Variants in STATH observed in about 807,000 individuals in gnomAD.
STATH encodes statherin.
A neutral mutation model predicts 13.3 loss-of-function variants in STATH; 11 were observed. The ratio of observed to expected loss-of-function variants is 0.83; its 90% CI spans 0.52 to 1.37. The LOEUF is 1.37. Ranked by LOEUF, STATH falls within the 40% of genes most tolerant of loss-of-function variation. The probability of loss-of-function intolerance (pLI) is 0.00; values close to 1 mark genes in which losing one functional copy is unlikely to be tolerated. For missense variants in STATH, 78 were observed against 73.3 expected (o/e 1.06, Z -0.24); for synonymous variants, 25 against 23.6 (o/e 1.06, Z -0.17).
At chr4:70,001,706 G>T (rs981633628) in intron 5 of STATH, among the ~76,000 whole-genome samples, 1 of 151,634 alleles carries the variant, frequency 6.6e-6, no homozygotes. Flanking sequence ...TGGAGATAAG[G>T]GAGGATTGTT....
chr4:69,998,321 G>T, intron 1 of STATH, 102 bp from the exon 2 acceptor site: 1 of 771,928 alleles, frequency 1.3e-6, no homozygotes, highest in Non-Finnish European at 2.1e-6. Flanking sequence ...CTTTCTATCT[G>T]GAGTGTGTCT....
At chr4:69,998,366 T>G (rs1724563726) in intron 1 of STATH, 57 bp from the exon 2 acceptor site, 1 of 1,387,640 alleles carries the variant, frequency 7.2e-7, no homozygotes, top group African/African-American at 1.4e-5. Context: ...ATCAATAAAC[T>G]TTTGATGGGC....
chr4:69,999,575 C>T (rs1724595011), intron 2 of STATH, 92 bp from the exon 3 acceptor site: 1 of 1,290,922 alleles, frequency 7.7e-7, no homozygotes, highest in African/African-American at 1.5e-5. Flanking sequence ...ATCCTGTTTA[C>T]TCACAACTGT....
At chr4:70,000,168 G>T (rs1724616541) in intron 4 of STATH, 3 of 205,832 alleles carry the variant, frequency 1.5e-5, no homozygotes, top group South Asian at 2.3e-4. Flanking sequence ...TGGTAAGTTT[G>T]CACCTTCTGA....
At chr4:69,997,061 C>A (rs1172843588) in intron 1 of STATH, among the ~76,000 whole-genome samples, 3 of 151,512 alleles carry the variant, frequency 2.0e-5, no homozygotes, top group Non-Finnish European at 4.4e-5. Flanking sequence ...CCTCAGCTTC[C>A]TAAGTAGCTG....
At chr4:70,002,073 G>C (rs951911306) in intron 5 of STATH, 116 bp from the exon 6 acceptor site, 2 of 151,618 alleles carry the variant, frequency 1.3e-5, no homozygotes, top group Non-Finnish European at 3.0e-5. Context: ...TTTGGGCCCT[G>C]CATTTTATAA....
intron 3 of STATH, 28 bp from the exon 4 acceptor site, chr4:69,999,752 T>C: frequency 6.2e-7 from 1 of 1,611,834 alleles, no homozygotes; most frequent in Non-Finnish European, 8.5e-7. Flanking sequence ...TTGTATTGAA[T>C]TATTAAACTT....
At chr4:70,001,081 A>G (rs1724651032) in intron 5 of STATH, 99 bp downstream of exon 5, 1 of 750,896 alleles carries the variant, frequency 1.3e-6, no homozygotes, top group Admixed American at 2.2e-5. Flanking sequence ...CAGCAGTTCC[A>G]GTATAAGAAA....
In STATH at chr4:69,999,977, G is replaced by A. The variant is rs545409719; in HGVS notation, c.102+168G>A. The A allele has an allele frequency of 2.6e-5, 20 of 755,298 alleles. No homozygotes were observed. In the East Asian group the frequency reaches 5.4e-4, roughly 21 times the overall value. 46.8% of individuals were successfully genotyped at this position (755,298 alleles called of 1,614,324 possible). ...CAGGTAACAGTCACAAATGTATTGT[G>A]TCCTAACAACATTTAAGTTGAAACT... On this transcript the variant is annotated intron_variant, in intron 4 of 5. Coordinates refer to ENST00000246895, the MANE Select transcript of STATH (RefSeq NM_003154.3).
chr4:69,999,862 T>G (rs1489850677), intron 4 of STATH, 53 bp downstream of exon 4: 25 of 1,588,694 alleles, frequency 1.6e-5, no homozygotes, highest in Non-Finnish European at 2.1e-5. Context: ...GTTCTCTGAT[T>G]ACTTATTCTT....
At chr4:69,999,567 C>T (rs893888580) in intron 2 of STATH, 100 bp from the exon 3 acceptor site, 5 of 1,165,970 alleles carry the variant, frequency 4.3e-6, no homozygotes, top group Non-Finnish European at 6.2e-6. Context: ...TTGCCTACAT[C>T]CTGTTTACTC....
At chr4:69,997,638 A>G (rs976455895) in intron 1 of STATH, among the ~76,000 whole-genome samples, 1 of 152,208 alleles carries the variant, frequency 6.6e-6, no homozygotes, top group Non-Finnish European at 1.5e-5. Context: ...TTATGATAAC[A>G]TATCACAGTC....
At chr4:70,002,053 C>A (rs751716899) in intron 5 of STATH, 136 bp from the exon 6 acceptor site, 1 of 151,622 alleles carries the variant, frequency 6.6e-6, no homozygotes, top group Non-Finnish European at 1.5e-5. Flanking sequence ...TACTCTGTGT[C>A]AAATATTATT....
intron 1 of STATH, among the ~76,000 whole-genome samples, chr4:69,997,250 A>G (rs1453932419): frequency 6.6e-6 from 1 of 152,090 alleles, no homozygotes; most frequent in Non-Finnish European, 1.5e-5. Flanking sequence ...CCGGCCAGAA[A>G]TTTCAGTTTG....
intron 2 of STATH, 126 bp downstream of exon 2, chr4:69,998,614 T>C (rs1724570276): frequency 1.3e-6 from 1 of 753,058 alleles, no homozygotes. Context: ...AATGTTTCCA[T>C]ATGAACTTTT....
At chr4:69,996,822 G>C (rs1361359826) in intron 1 of STATH, among the ~76,000 whole-genome samples, 1 of 150,140 alleles carries the variant, frequency 6.7e-6, no homozygotes, top group Non-Finnish European at 1.5e-5. Context: ...AAGTTTTTAT[G>C]CTTTTTGCAT....
chr4:70,000,129 C>T (rs1220975899), intron 4 of STATH: 2 of 271,184 alleles, frequency 7.4e-6, no homozygotes, highest in East Asian at 7.1e-5. Context: ...CCTCATGGAG[C>T]ATAAAGGCTG....
rs147868504 is a variant in STATH, at chr4:70,000,907, C to T, written c.147C>T (p.Tyr49=). 1.3e-5 allele frequency: 21 copies of T among 1,611,790 alleles called. No homozygotes were observed. The African/African-American group carries it at 2.3e-4, about 17-fold the overall frequency. ...PYQPVPEQPL[Y]PQPYQPQYQQ... Reference sequence around the variant, plus strand: ...AGCCAGTTCCAGAACAACCACTATACCCACAACCATACCAACCACAATACC... The same window carrying T: ...AGCCAGTTCCAGAACAACCACTATATCCACAACCATACCAACCACAATACC... The change falls in exon 5 of 6, where the codon TAC becomes TAT. Residue 49 remains tyrosine (Y), a synonymous_variant. Coordinates refer to ENST00000246895, the MANE Select transcript of STATH (RefSeq NM_003154.3).
At position 69,999,828 on chromosome 4, in the gene STATH, T is replaced by A; in HGVS notation, c.102+19T>A. Reference sequence around the variant, plus strand: ...ATTCGGTGTAAGTGTTCTCTGATAATGCTGTGTAGTCCAAATAAATTGTGT... The same window carrying A: ...ATTCGGTGTAAGTGTTCTCTGATAAAGCTGTGTAGTCCAAATAAATTGTGT... On this transcript the variant is annotated intron_variant, in intron 4 of 5. Coordinates refer to ENST00000246895, the MANE Select transcript of STATH (RefSeq NM_003154.3). The A allele has an allele frequency of 6.2e-7, 1 of 1,611,250 alleles. No individual in the cohort carries two copies. Among genetic ancestry groups the A allele is most frequent in the South Asian group, 1.1e-5 (1 of 90,966 alleles).
Sources: gnomAD v4.1 joint callset for allele counts (sites outside exome capture counted in the v4.1 genomes callset) on GRCh38, gnomAD v4.1.1 for gene constraint, MANE v1.5 for transcripts, NCBI Gene and HGNC (gene_info 2026-07-23, HGNC 2026-07-21) for gene names.